The following ADAMTS20 variants were observed in gnomAD, a reference collection of about 807,000 sequenced individuals.
ADAMTS20 encodes ADAM metallopeptidase with thrombospondin type 1 motif 20.
A neutral mutation model predicts 260.1 loss-of-function variants in ADAMTS20; 225 were observed. The ratio of observed to expected loss-of-function variants is 0.87; its 90% CI spans 0.78 to 0.97. The LOEUF is 0.97. ADAMTS20 is among the 50% of genes least tolerant of loss of function. The pLI, the probability that ADAMTS20 is intolerant of heterozygous loss-of-function variation, is 0.00. For synonymous variants in ADAMTS20, 802 were observed against 769.5 expected (o/e 1.04, Z -0.70); for missense variants, 2,400 against 2,337.7 (o/e 1.03, Z -0.55).
At chr12:43,472,404 A>G (rs1298338752) in intron 7 of ADAMTS20, among the ~76,000 whole-genome samples, 2 of 142,736 alleles carry the variant, frequency 1.4e-5, no homozygotes, top group Non-Finnish European at 3.1e-5. Context: ...CAAGTTGGAA[A>G]ACACTCTGCA....
chr12:43,362,562 G>T (rs1254167041), intron 37 of ADAMTS20, among the ~76,000 whole-genome samples: 1 of 152,110 alleles, frequency 6.6e-6, no homozygotes, highest in East Asian at 1.9e-4. Context: ...GATGTGAGGA[G>T]CCCATGGACA....
At chr12:43,534,693 C>G (rs560847788) in intron 2 of ADAMTS20, among the ~76,000 whole-genome samples, 1 of 152,120 alleles carries the variant, frequency 6.6e-6, no homozygotes, top group Non-Finnish European at 1.5e-5. Context: ...AGAAAGAACT[C>G]CAATGCATAT....
At chr12:43,424,750 C>A (rs891580875) in intron 28 of ADAMTS20, among the ~76,000 whole-genome samples, 14 of 151,784 alleles carry the variant, frequency 9.2e-5, no homozygotes, top group African/African-American at 3.1e-4. Context: ...TAATTGACAG[C>A]AAGCCAAACA....
At chr12:43,417,213 A>T (rs1941149541) in intron 28 of ADAMTS20, among the ~76,000 whole-genome samples, 1 of 152,096 alleles carries the variant, frequency 6.6e-6, no homozygotes, top group South Asian at 2.1e-4. Flanking sequence ...TACTTCTAAG[A>T]CCTCTGGGTT....
intron 29 of ADAMTS20, among the ~76,000 whole-genome samples, chr12:43,394,760 A>G (rs1940665192): frequency 6.6e-6 from 1 of 152,122 alleles, no homozygotes; most frequent in Non-Finnish European, 1.5e-5. Context: ...GATAACTAGT[A>G]TAATGGAGAA....
chr12:43,489,268 A>AGCTG (rs1271881996), intron 7 of ADAMTS20, among the ~76,000 whole-genome samples: 2 of 152,050 alleles, frequency 1.3e-5, no homozygotes, highest in Non-Finnish European at 2.9e-5. Flanking sequence ...ATAGGTTTAT[A>AGCTG]AATTCAGCTA....
intron 28 of ADAMTS20, among the ~76,000 whole-genome samples, chr12:43,405,650 T>C (rs1366162724): frequency 6.6e-6 from 1 of 152,062 alleles, no homozygotes; most frequent in African/African-American, 2.4e-5. Context: ...CTATTGTTGT[T>C]ATTAAACAAA....
At chr12:43,547,487 T>C (rs1943456106) in intron 2 of ADAMTS20, among the ~76,000 whole-genome samples, 1 of 152,182 alleles carries the variant, frequency 6.6e-6, no homozygotes. Context: ...CAAAGAGGTG[T>C]TCCAGGGTGC....
At chr12:43,408,857 ATGG>A (rs1940968873) in intron 28 of ADAMTS20, among the ~76,000 whole-genome samples, 2 of 152,216 alleles carry the variant, frequency 1.3e-5, no homozygotes, top group Non-Finnish European at 2.9e-5. Flanking sequence ...CTAGCAGTAC[ATGG>A]GATTTGGTGT....
intron 4 of ADAMTS20, among the ~76,000 whole-genome samples, chr12:43,498,082 T>C (rs1942702339): frequency 6.6e-6 from 1 of 152,174 alleles, no homozygotes; most frequent in South Asian, 2.1e-4. Flanking sequence ...ATAAAGGTTT[T>C]AGAATAACAG....
intron 7 of ADAMTS20, among the ~76,000 whole-genome samples, chr12:43,469,871 G>C (rs1456231487): frequency 6.6e-6 from 1 of 152,064 alleles, no homozygotes; most frequent in Non-Finnish European, 1.5e-5. Flanking sequence ...AAATAAGCTG[G>C]GGAAAAGCCA....
intron 3 of ADAMTS20, among the ~76,000 whole-genome samples, chr12:43,512,919 T>C (rs1942945214): frequency 6.6e-6 from 1 of 152,128 alleles, no homozygotes. Context: ...ATGAAGACTG[T>C]TGAGAATGTA....
chr12:43,359,219 G>A (rs1418331095), intron 37 of ADAMTS20, among the ~76,000 whole-genome samples: 1 of 152,086 alleles, frequency 6.6e-6, no homozygotes, highest in Admixed American at 6.5e-5. Context: ...TGATTCAAAA[G>A]ACCTAGGAAT....
intron 37 of ADAMTS20, among the ~76,000 whole-genome samples, chr12:43,364,089 G>A (rs920604507): frequency 6.6e-6 from 1 of 152,090 alleles, no homozygotes; most frequent in South Asian, 2.1e-4. Flanking sequence ...GGAGCATCAC[G>A]GTCACTGTGC....
intron 7 of ADAMTS20, among the ~76,000 whole-genome samples, chr12:43,469,031 C>T (rs944271148): frequency 4.6e-5 from 7 of 151,890 alleles, no homozygotes; most frequent in Middle Eastern, 3.4e-3. Flanking sequence ...AACACATTAG[C>T]GTGGGTAGCA....
intron 2 of ADAMTS20, among the ~76,000 whole-genome samples, chr12:43,532,485 T>G (rs1592113442): frequency 6.6e-6 from 1 of 151,624 alleles, no homozygotes; most frequent in Admixed American, 6.6e-5. Context: ...AAAAAGTGTT[T>G]AGAATAGTCT....
At chr12:43,373,883 T>G (rs983010077) in intron 36 of ADAMTS20, among the ~76,000 whole-genome samples, 3 of 151,154 alleles carry the variant, frequency 2.0e-5, no homozygotes, top group African/African-American at 7.3e-5. Context: ...GTTTCACCGT[T>G]TTAGCCGGGA....
intron 31 of ADAMTS20, among the ~76,000 whole-genome samples, chr12:43,381,974 A>G (rs1940364604): frequency 6.6e-6 from 1 of 152,122 alleles, no homozygotes; most frequent in Admixed American, 6.6e-5. Context: ...ATGGATTATA[A>G]CAAGTGCTGT....
intron 7 of ADAMTS20, among the ~76,000 whole-genome samples, chr12:43,477,065 A>AG (rs1278258537): frequency 6.6e-6 from 1 of 151,964 alleles, no homozygotes; most frequent in African/African-American, 2.4e-5. Flanking sequence ...AAAAAAAAAA[A>AG]AAAACAATTA....
Sources: allele counts gnomAD v4.1 joint callset (sites outside exome capture counted in the v4.1 genomes callset), GRCh38; gene constraint gnomAD v4.1.1; transcripts MANE v1.5; gene names NCBI Gene and HGNC (gene_info 2026-07-23, HGNC 2026-07-21).